Variants in SI observed in about 807,000 individuals in gnomAD.
The protein encoded by SI is sucrase-isomaltase, intestinal.
In SI, 235 loss-of-function variants were observed where a neutral mutation model predicts 253.3. The ratio of observed to expected loss-of-function variants is 0.93; its 90% CI spans 0.83 to 1.03. SI has a LOEUF of 1.03. Among genes scored for constraint, SI ranks in the 50% least tolerant of loss-of-function variants. SI has a pLI of 0.00. For synonymous variants in SI, 819 were observed against 712.0 expected (o/e 1.15, Z -2.39); for missense variants, 2,442 against 2,211.1 (o/e 1.10, Z -2.09).
intron 47 of SI, among the ~76,000 whole-genome samples, chr3:164,981,001 T>A (rs987378872): frequency 3.9e-5 from 6 of 151,990 alleles, no homozygotes; most frequent in African/African-American, 1.4e-4. Context: ...GGGGAATTAA[T>A]TTCCTTCTTT....
At chr3:165,004,775 C>T (rs1412354542) in intron 37 of SI, among the ~76,000 whole-genome samples, 5 of 151,940 alleles carry the variant, frequency 3.3e-5, no homozygotes, top group Non-Finnish European at 5.9e-5. Context: ...TGAATATAGA[C>T]GGGAGAAGGA....
Position 164,982,253 on chromosome 3 carries a change from G to T in SI, c.5405C>A (p.Thr1802Asn). Residue 1802 changes from threonine (T) to asparagine (N), a missense_variant, in exon 47 of 48, where the codon ACT (threonine) becomes AAT (asparagine). Physicochemically the swap from Thr to Asn is moderately conservative, Grantham distance 65. Transcript: ENST00000264382. Reference protein sequence around the residue: ...NKNSLPFNEDTTNMILRIDLT... With the variant: ...NKNSLPFNEDNTNMILRIDLT... ...TCTTACATTACTTACCATGTTGGTA[G>T]TGTCTTCATTAAAAGGAAGCGAATT... 1 of 1,611,908 alleles carries T rather than the reference G, an allele frequency of 6.2e-7. No individual in the cohort carries two copies. Among genetic ancestry groups the T allele is most frequent in the Non-Finnish European group, 8.5e-7 (1 of 1,178,526 alleles).
At chr3:165,080,238 C>G (rs1043715385), upstream of SI, among the ~76,000 whole-genome samples, 1 of 151,952 alleles carries the variant, frequency 6.6e-6, no homozygotes, top group Non-Finnish European at 1.5e-5. Flanking sequence ...AAATAGTTAA[C>G]AAGTTGTCTT....
In SI at chr3:165,018,002, T is replaced by A. The variant is rs1434093519; in HGVS notation, c.3488A>T (p.His1163Leu). Residue 1163 changes from histidine to leucine, a missense_variant, in exon 29 of 48, where the codon CAT becomes CTT. Physicochemically the swap from His to Leu is moderately conservative, Grantham distance 99. Transcript: ENST00000264382. ...YMALEEEGNA[H>L]GVFLLNSNAM... ...ATTGCTGTTGAGTAAGAAAACACCA[T>A]GAGCATTGCCCTCCTCTTCCAGAGC... is the stretch of plus-strand genomic sequence containing the variant. 6.2e-7 allele frequency: 1 copy of A among 1,611,314 alleles called. No individual in the cohort carries two copies. The highest frequency in any genetic ancestry group is 1.3e-5 in the African/African-American group (1 of 74,836).
Position 165,016,691 on chromosome 3 carries a change from G to A in SI, c.3760-611C>T, listed in dbSNP as rs1303306287. On this transcript the variant is annotated intron_variant, in intron 31 of 47. Transcript: ENST00000264382. ...CAACAAATATTTGAATTGTATCATG[G>A]AATATTCAATTGAAGCCTAAATACA... Among the ~76,000 whole-genome samples the A allele has an allele frequency of 3.9e-5, 6 of 151,938 alleles. No individual in the cohort carries two copies. The South Asian group carries it at 6.2e-4, about 16-fold the overall frequency.
At chr3:165,072,899 A>G (rs1342130753) in intron 3 of SI, among the ~76,000 whole-genome samples, 4 of 152,136 alleles carry the variant, frequency 2.6e-5, no homozygotes, top group Non-Finnish European at 5.9e-5. Context: ...AATTCTTTTG[A>G]GATATACTAA....
chr3:165,020,818 C>G (rs926355850), intron 27 of SI, among the ~76,000 whole-genome samples: 1 of 151,408 alleles, frequency 6.6e-6, no homozygotes, highest in South Asian at 2.1e-4. Context: ...TCACTAATAC[C>G]TGGCAGATAA....
At chr3:165,042,112 A>C (rs1712864851) in intron 17 of SI, among the ~76,000 whole-genome samples, 1 of 152,054 alleles carries the variant, frequency 6.6e-6, no homozygotes, top group South Asian at 2.1e-4. Flanking sequence ...TATTTCACCA[A>C]TAAATTTCAA....
rs763702166 is a variant in SI, at chr3:165,002,108, T to A, written c.4407-3435A>T. 3.0e-4 allele frequency among the ~76,000 whole-genome samples: 45 copies of A among 151,752 alleles called. 1 individual carries two copies. Among genetic ancestry groups the A allele is most frequent in the South Asian group, 2.9e-3 (14 of 4,830 alleles). ...CTCTCTAATGAATAGTAGGTACTAA[T>A]CCCTAACATCTTTAAAGCTTTTGGT... On this transcript the variant is annotated intron_variant, in intron 37 of 47. Coordinates refer to ENST00000264382, the MANE Select transcript of SI (RefSeq NM_001041.4).
At chr3:164,992,040 A>G (rs113364481) in intron 43 of SI, 137 bp downstream of exon 43, 428 of 773,250 alleles carry the variant, frequency 5.5e-4, no homozygotes, top group Non-Finnish European at 7.0e-4. Flanking sequence ...CAATTCAGCT[A>G]TAATTTACCG....
At chr3:165,022,369 T>A (rs1185603513) in intron 26 of SI, among the ~76,000 whole-genome samples, 1 of 151,640 alleles carries the variant, frequency 6.6e-6, no homozygotes, top group Admixed American at 6.6e-5. Context: ...CTAAATTTAT[T>A]TTAGGCTTAT....
At chr3:165,019,504 C>T (rs1559992150) in intron 28 of SI, 98 bp downstream of exon 28, 5 of 1,130,056 alleles carry the variant, frequency 4.4e-6, no homozygotes, top group Non-Finnish European at 4.0e-6. Context: ...ATGCCTTTGT[C>T]ATTACTTCAA....
At chr3:165,029,093 C>A (rs1270546296) in intron 25 of SI, among the ~76,000 whole-genome samples, 1 of 150,994 alleles carries the variant, frequency 6.6e-6, no homozygotes, top group Non-Finnish European at 1.5e-5. Context: ...AACAAACAAA[C>A]AATCCCTTCA....
At chr3:165,020,409 T>C (rs951452816) in intron 27 of SI, among the ~76,000 whole-genome samples, 1 of 151,746 alleles carries the variant, frequency 6.6e-6, no homozygotes, top group African/African-American at 2.4e-5. Context: ...ACAAGTAATC[T>C]GGGCATATTT....
chr3:165,048,020 T>C (rs1483124175), intron 15 of SI, among the ~76,000 whole-genome samples: 2 of 152,072 alleles, frequency 1.3e-5, no homozygotes, highest in Non-Finnish European at 2.9e-5. Context: ...GCCTGTTTTT[T>C]CTTTCCTAGG....
At chr3:165,012,873 G>C (rs1168053591) in intron 34 of SI, 107 bp downstream of exon 34, 3 of 791,940 alleles carry the variant, frequency 3.8e-6, no homozygotes, top group Non-Finnish European at 6.8e-6. Flanking sequence ...ATTTAAAATG[G>C]CCATCTATTT....
intron 45 of SI, 55 bp downstream of exon 45, chr3:164,987,083 G>C (rs942593703): frequency 1.3e-5 from 17 of 1,284,354 alleles, no homozygotes; most frequent in East Asian, 7.0e-5. Flanking sequence ...TAACGTAAAA[G>C]TAATGTGATA....
chr3:165,039,700 G>C (rs113651533), intron 19 of SI, among the ~76,000 whole-genome samples, 187 bp downstream of exon 19: 2 of 151,772 alleles, frequency 1.3e-5, no homozygotes, highest in Non-Finnish European at 1.5e-5. Flanking sequence ...CACATATTTG[G>C]TAAGCAATCT....
At chr3:164,993,009 AAAAG>A (rs1410397208) in intron 41 of SI, among the ~76,000 whole-genome samples, 1 of 151,802 alleles carries the variant, frequency 6.6e-6, no homozygotes, top group Non-Finnish European at 1.5e-5. Flanking sequence ...ATTGAAATGA[AAAAG>A]AAAAGCTGTT....
Sources: allele counts gnomAD v4.1 joint callset (sites outside exome capture counted in the v4.1 genomes callset), GRCh38; gene constraint gnomAD v4.1.1; transcripts MANE v1.5; gene names NCBI Gene and HGNC (gene_info 2026-07-23, HGNC 2026-07-21).